Variants in COL4A1 observed in about 807,000 individuals in gnomAD.
COL4A1 encodes collagen type IV alpha 1 chain, also known as collagen alpha-1(IV) chain.
In COL4A1, 40 loss-of-function variants were observed where a neutral mutation model predicts 216.6. The ratio of observed to expected loss-of-function variants is 0.18; its 90% CI spans 0.14 to 0.24. The LOEUF (loss-of-function observed/expected upper bound fraction) is 0.24, where lower values mean the gene tolerates loss of function less well. COL4A1 is among the 10% of genes least tolerant of loss of function. COL4A1 has a pLI of 1.00. For missense variants in COL4A1, 1,628 were observed against 2,196.8 expected, an observed-to-expected ratio of 0.74 and a Z score of 5.18; for synonymous variants, 839 against 810.7, an observed-to-expected ratio of 1.03 and a Z score of -0.59.
intron 1 of COL4A1, among the ~76,000 whole-genome samples, chr13:110,252,688 AC>A (rs1406167366): frequency 7.0e-6 from 1 of 143,532 alleles, no homozygotes. Flanking sequence ...ATGTATATAT[AC>A]ATATAATTAT....
At position 110,252,473 on chromosome 13, in the gene COL4A1, T is replaced by C. The variant is rs559170797; in HGVS notation, c.85-9739A>G. Among the ~76,000 whole-genome samples, 21 of 24,472 alleles carry C rather than the reference T, an allele frequency of 8.6e-4. 5 individuals carry two copies. Among genetic ancestry groups the C allele is most frequent in the Non-Finnish European group, 1.1e-3 (14 of 12,854 alleles). 16.1% of individuals were successfully genotyped at this position (24,472 alleles called of 152,430 possible). On this transcript the variant is annotated intron_variant, in intron 1 of 51. Coordinates refer to ENST00000375820, the MANE Select transcript of COL4A1 (RefSeq NM_001845.6). ...TATGTATTATATACATATAATTATATGTATTATATATACGTATAATTATAC... is the reference window on the plus strand; with the variant it reads ...TATGTATTATATACATATAATTATACGTATTATATATACGTATAATTATAC...
chr13:110,272,110 C>CA (rs546333310), intron 1 of COL4A1, among the ~76,000 whole-genome samples: 5 of 152,076 alleles, frequency 3.3e-5, no homozygotes, highest in African/African-American at 1.2e-4. Context: ...CTCTTTAAAA[C>CA]AAAAAAAGTT....
Position 110,176,737 on chromosome 13 carries a change from G to A in COL4A1, c.2870-13C>T, listed in dbSNP as rs1201680064. The stretch of plus-strand genomic sequence containing the variant: ...GGTCCAATTTGTCCTACACATCAGA[G>A]AAGAAAATAGCAATGACCCGCATTT... On this transcript the variant is annotated splice_polypyrimidine_tract_variant and intron_variant, in intron 34 of 51. Coordinates refer to ENST00000375820, the MANE Select transcript of COL4A1 (RefSeq NM_001845.6). 3 of 1,613,876 alleles carry A rather than the reference G, an allele frequency of 1.9e-6. No homozygotes were observed. In the Admixed American group the frequency reaches 5.0e-5, roughly 27 times the overall value.
At chr13:110,227,105 T>TA (rs1880767296) in intron 2 of COL4A1, among the ~76,000 whole-genome samples, 1 of 152,226 alleles carries the variant, frequency 6.6e-6, no homozygotes, top group African/African-American at 2.4e-5. Flanking sequence ...CCATTTTCAC[T>TA]ATGCCTACTT....
intron 41 of COL4A1, among the ~76,000 whole-genome samples, chr13:110,171,414 T>C (rs116170577): frequency 0.016 from 2,502 of 152,244 alleles, 71 homozygotes; most frequent in African/African-American, 0.056. Context: ...TGTAGACCTA[T>C]GTCAGCCTTA....
chr13:110,192,531 C>T (rs903971315), intron 23 of COL4A1, among the ~76,000 whole-genome samples: 1 of 152,148 alleles, frequency 6.6e-6, no homozygotes, highest in Non-Finnish European at 1.5e-5. Flanking sequence ...GCCCACACAC[C>T]CAGGGACCAC....
In COL4A1 at chr13:110,192,868, C is replaced by G; in HGVS notation, c.1427G>C (p.Arg476Pro). 6.2e-7 allele frequency: 1 copy of G among 1,614,072 alleles called. No individual in the cohort carries two copies. Among genetic ancestry groups the G allele is most frequent in the South Asian group, 1.1e-5 (1 of 91,082 alleles). The change falls in exon 23 of 52, where the codon CGG becomes CCG. Residue 476 changes from arginine (R) to proline (P), a missense_variant. This residue lies in a region of COL4A1 where 701 missense variants were observed against 892.5 expected (regional missense o/e 0.79). Coordinates refer to ENST00000375820, the MANE Select transcript of COL4A1 (RefSeq NM_001845.6). ...GGGTCCCTGTGGCCCGGGAGGCCCC[C>G]GATATCCGTCTATATCACAGATGAG... is the stretch of plus-strand genomic sequence containing the variant. ...SCLICDIDGYRGPPGPQGPPG... is the reference protein window; with the variant it reads ...SCLICDIDGYPGPPGPQGPPG...
At chr13:110,159,454 C>T (rs962511887) in intron 49 of COL4A1, among the ~76,000 whole-genome samples, 3 of 152,164 alleles carry the variant, frequency 2.0e-5, no homozygotes, top group Non-Finnish European at 2.9e-5. Context: ...CAGAAAACAA[C>T]GCATGCTGGT....
intron 24 of COL4A1, chr13:110,191,778 A>C (rs1345501724): frequency 3.3e-6 from 2 of 597,588 alleles, no homozygotes; most frequent in Non-Finnish European, 5.9e-6. Flanking sequence ...TGCTGAACCT[A>C]CTGACTAACC....
Position 110,181,552 on chromosome 13 carries a change from T to A in COL4A1, c.2096-163A>T, listed in dbSNP as rs9521634. ...GTGGCTGGAAGAGGCCAGGGGAGAC[T>A]GCCCGGCAGAGGGGTCAGGTGCGTT... On this transcript the variant is annotated intron_variant, in intron 28 of 51. Coordinates refer to ENST00000375820, the MANE Select transcript of COL4A1 (RefSeq NM_001845.6). 4.6e-5 allele frequency among the ~76,000 whole-genome samples: 7 copies of A among 152,130 alleles called. No individual in the cohort carries two copies. In the East Asian group the frequency reaches 1.2e-3, roughly 25 times the overall value.
intron 1 of COL4A1, among the ~76,000 whole-genome samples, chr13:110,288,098 T>C (rs920026635): frequency 7.4e-6 from 1 of 135,030 alleles, no homozygotes; most frequent in South Asian, 2.3e-4. Context: ...CTACTAAAAA[T>C]ACAAAAAAAA....
chr13:110,211,835 G>T lies in COL4A1; in HGVS notation c.441+34C>A, dbSNP rs181113142. 2 of 1,600,802 alleles carry T rather than the reference G, an allele frequency of 1.2e-6. No individual in the cohort carries two copies. Among genetic ancestry groups the T allele is most frequent in the Admixed American group, 3.4e-5 (2 of 59,616 alleles). ...GAAAAGAGAGAAGTCATAACTAAAA[G>T]AAAGAAGTTCTGCCCTAAATAACCT... On this transcript the variant is annotated intron_variant, in intron 7 of 51. Coordinates refer to ENST00000375820, the MANE Select transcript of COL4A1 (RefSeq NM_001845.6). The surrounding 1 kb of genome is among the most constrained non-coding windows in gnomAD (Gnocchi z 4.3).
chr13:110,231,004 C>T (rs568452441), intron 2 of COL4A1, among the ~76,000 whole-genome samples: 5 of 152,306 alleles, frequency 3.3e-5, no homozygotes, highest in South Asian at 2.1e-4. Context: ...ACATCAGCCC[C>T]GTCAGGATGA....
chr13:110,159,005 A>G (rs924290782), intron 49 of COL4A1, among the ~76,000 whole-genome samples: 3 of 152,190 alleles, frequency 2.0e-5, no homozygotes, highest in African/African-American at 7.2e-5. Flanking sequence ...GGCCTCCCAA[A>G]GTGCTGGGAT....
intron 31 of COL4A1, 142 bp from the exon 32 acceptor site, chr13:110,178,373 G>T (rs1877984964): frequency 2.0e-6 from 2 of 1,008,786 alleles, no homozygotes; most frequent in Non-Finnish European, 3.0e-6. Flanking sequence ...CATCTGTTAG[G>T]TGTTGGTGTT....
intron 14 of COL4A1, 68 bp downstream of exon 14, chr13:110,206,797 A>T: frequency 6.2e-7 from 1 of 1,610,408 alleles, no homozygotes; most frequent in Non-Finnish European, 8.5e-7. Context: ...CTTAAGGTGA[A>T]AAAAACTTGA....
At chr13:110,260,516 C>CAACTAAA (rs1882771450) in intron 1 of COL4A1, among the ~76,000 whole-genome samples, 1 of 152,190 alleles carries the variant, frequency 6.6e-6, no homozygotes, top group South Asian at 2.1e-4. Flanking sequence ...TAGTCACAGC[C>CAACTAAA]AACTAAAACC....
intron 49 of COL4A1, among the ~76,000 whole-genome samples, chr13:110,159,979 G>A (rs1876992705): frequency 6.6e-6 from 1 of 152,118 alleles, no homozygotes; most frequent in Admixed American, 6.5e-5. Context: ...TGTTTAACAG[G>A]GACAGAGTTT....
intron 23 of COL4A1, 145 bp from the exon 24 acceptor site, chr13:110,192,429 G>T (rs1161443955): frequency 3.6e-6 from 3 of 824,642 alleles, no homozygotes; most frequent in East Asian, 5.3e-5. Flanking sequence ...TAACTAAAAT[G>T]CCCAAGACGG....
Sources: allele counts gnomAD v4.1 joint callset (sites outside exome capture counted in the v4.1 genomes callset), GRCh38; gene constraint gnomAD v4.1.1; regional missense constraint gnomAD v4.1.1; non-coding constraint Gnocchi (gnomAD v3.1); transcripts MANE v1.5; gene names NCBI Gene and HGNC (gene_info 2026-07-23, HGNC 2026-07-21).